Variants in MEGF11 observed in about 807,000 individuals in gnomAD.
MEGF11 encodes the protein multiple epidermal growth factor-like domains protein 11.
In MEGF11, 126 loss-of-function variants were observed where a neutral mutation model predicts 146.6. The ratio of observed to expected loss-of-function variants is 0.86; its 90% CI spans 0.74 to 1.00. The LOEUF is 1.00. Among genes scored for constraint, MEGF11 ranks in the 50% least tolerant of loss-of-function variants. The probability of loss-of-function intolerance (pLI) is 0.00; values close to 1 mark genes in which losing one functional copy is unlikely to be tolerated. For missense variants in MEGF11, 1,509 were observed against 1,521.2 expected, an observed-to-expected ratio of 0.99 and a Z score of 0.13; for synonymous variants, 532 against 583.4, an observed-to-expected ratio of 0.91 and a Z score of 1.27.
chr15:66,100,852 A>ATGGGTGGG lies in MEGF11; in HGVS notation c.302-6366_302-6359dup, dbSNP rs67230634. 2.5e-4 allele frequency among the ~76,000 whole-genome samples: 19 copies of ATGGGTGGG among 77,126 alleles called. No homozygotes were observed. The South Asian group carries it at 8.4e-3, about 34-fold the overall frequency. The allele number at this position is 77,126 out of a possible 152,430, so 50.6% of individuals were successfully genotyped here. On this transcript the variant is annotated intron_variant, in intron 4 of 25. Coordinates refer to ENST00000395614, the MANE Select transcript of MEGF11 (RefSeq NM_001385028.1). ...CCTGAATGAGTGAGTGAGCCACTGG[A>ATGGGTGGG]TGGGTGGGTGGGTGGGTGGGTGAGT...
At chr15:66,224,007 G>A (rs908692679) in intron 1 of MEGF11, among the ~76,000 whole-genome samples, 51 of 152,060 alleles carry the variant, frequency 3.4e-4, no homozygotes, top group Admixed American at 4.6e-4. Flanking sequence ...TACAGGTGAC[G>A]GGCCTCTTTT....
At chr15:66,219,134 A>G (rs2091667590) in intron 1 of MEGF11, among the ~76,000 whole-genome samples, 2 of 152,216 alleles carry the variant, frequency 1.3e-5, no homozygotes, top group Non-Finnish European at 2.9e-5. Flanking sequence ...AGAAGAAAAC[A>G]TAGAAGAATA....
chr15:66,004,572 T>C (rs1341002503), intron 5 of MEGF11, among the ~76,000 whole-genome samples: 1 of 152,184 alleles, frequency 6.6e-6, no homozygotes, highest in Non-Finnish European at 1.5e-5. Flanking sequence ...TTGGTGAACC[T>C]CTTCTCAACA....
At chr15:66,178,849 G>T (rs1183669167) in intron 1 of MEGF11, among the ~76,000 whole-genome samples, 1 of 152,198 alleles carries the variant, frequency 6.6e-6, no homozygotes, top group East Asian at 1.9e-4. Flanking sequence ...CGGAAAAAAG[G>T]TCATTAACAT....
intron 8 of MEGF11, among the ~76,000 whole-genome samples, chr15:65,966,415 G>C (rs191501838): frequency 6.1e-4 from 93 of 152,306 alleles, no homozygotes; most frequent in African/African-American, 2.2e-3. Context: ...ACGATCAGTG[G>C]CACCTTAGGT....
In MEGF11 at chr15:66,128,327, T is replaced by C; in HGVS notation, c.77A>G (p.Asn26Ser). 6.6e-7 allele frequency: 1 copy of C among 1,522,530 alleles called. No homozygotes were observed. The highest frequency in any genetic ancestry group is 8.8e-7 in the Non-Finnish European group (1 of 1,133,644). 94.3% of individuals were successfully genotyped at this position (1,522,530 alleles called of 1,614,324 possible). A position where few individuals can be genotyped will look rare whatever the true frequency, so the allele number is the denominator to read the frequency against. Residue 26 changes from asparagine (N) to serine (S), a missense_variant, in exon 2 of 26, where the codon AAC becomes AGC. Transcript: ENST00000395614. Reference protein sequence around the residue: ...ATLALNPEDPNVCSHWESYAV... With the variant: ...ATLALNPEDPSVCSHWESYAV... ...TTACCTCTCCCAGTGGCTGCACACG[T>C]TGGGGTCCTCGGGGTTCAGGGCAAG...
intron 1 of MEGF11, among the ~76,000 whole-genome samples, chr15:66,229,788 C>T (rs1286908644): frequency 1.3e-5 from 2 of 152,134 alleles, no homozygotes; most frequent in Admixed American, 6.5e-5. Flanking sequence ...GGCCCCAGGA[C>T]AAGGACACAG....
chr15:66,074,342 G>A (rs770439349), intron 5 of MEGF11, among the ~76,000 whole-genome samples: 6 of 152,180 alleles, frequency 3.9e-5, no homozygotes, highest in Admixed American at 2.6e-4. Flanking sequence ...AAGTAGACAG[G>A]TATAGCGCTA....
intron 17 of MEGF11, chr15:65,916,609 G>A (rs1040768965): frequency 1.2e-6 from 1 of 846,648 alleles, no homozygotes; most frequent in Non-Finnish European, 1.9e-6. Flanking sequence ...TTGCAGCCCT[G>A]ACCTTCCAGG....
chr15:66,091,760 C>T lies in MEGF11; in HGVS notation c.394+2642G>A, dbSNP rs1266236094. 3.3e-5 allele frequency among the ~76,000 whole-genome samples: 5 copies of T among 152,184 alleles called. No homozygotes were observed. The South Asian group carries it at 6.2e-4, about 19-fold the overall frequency. On this transcript the variant is annotated intron_variant, in intron 5 of 25. Coordinates refer to ENST00000395614, the MANE Select transcript of MEGF11 (RefSeq NM_001385028.1). The stretch of plus-strand genomic sequence containing the variant: ...TTTTCCATACTGGTCACACCAAGCT[C>T]GCAGTTGTGTGGCCAGATCTAGGAG...
intron 13 of MEGF11, 67 bp from the exon 14 acceptor site, chr15:65,923,036 A>AG (rs983864834): frequency 1.3e-6 from 2 of 1,547,172 alleles, no homozygotes; most frequent in African/African-American, 1.4e-5. Flanking sequence ...AATGGAGGGA[A>AG]GGGGGACAGT....
chr15:66,058,714 C>T (rs898451814), intron 5 of MEGF11, among the ~76,000 whole-genome samples: 1 of 152,144 alleles, frequency 6.6e-6, no homozygotes, highest in African/African-American at 2.4e-5. Flanking sequence ...TGCTATCCTC[C>T]CTCTTCGGGG....
chr15:66,008,401 A>ACG (rs10531573), intron 5 of MEGF11, among the ~76,000 whole-genome samples: 4 of 125,252 alleles, frequency 3.2e-5, no homozygotes, highest in African/African-American at 1.3e-4. Context: ...ACACATGCAC[A>ACG]CGCGCGCGCG....
intron 1 of MEGF11, among the ~76,000 whole-genome samples, chr15:66,147,294 C>T (rs1333494492): frequency 1.3e-5 from 2 of 152,210 alleles, no homozygotes; most frequent in Non-Finnish European, 2.9e-5. Context: ...AGCCCAGGGC[C>T]CTTGCCAGCC....
chr15:65,956,436 C>T (rs1026310913), intron 10 of MEGF11, among the ~76,000 whole-genome samples: 4 of 152,170 alleles, frequency 2.6e-5, no homozygotes, highest in African/African-American at 4.8e-5. Flanking sequence ...AGCAACCTTG[C>T]GAGGCAGGTG....
At chr15:66,125,771 G>C (rs1241468655) in intron 2 of MEGF11, among the ~76,000 whole-genome samples, 1 of 152,180 alleles carries the variant, frequency 6.6e-6, no homozygotes, top group Non-Finnish European at 1.5e-5. Flanking sequence ...AAGGTGGGGA[G>C]AGAGGGAGCA....
intron 1 of MEGF11, among the ~76,000 whole-genome samples, chr15:66,156,559 C>A (rs4776284): frequency 0.11 from 16,444 of 151,994 alleles, 1,260 homozygotes; most frequent in East Asian, 0.37. Context: ...CAGAGCCCGG[C>A]CCCCGAGAGG....
chr15:66,066,148 C>G (rs921017869), intron 5 of MEGF11, among the ~76,000 whole-genome samples: 1 of 152,168 alleles, frequency 6.6e-6, no homozygotes, highest in African/African-American at 2.4e-5. Context: ...GAAGAGGAAG[C>G]CTGACACGTG....
intron 4 of MEGF11, among the ~76,000 whole-genome samples, chr15:66,109,298 C>T (rs2087261305): frequency 6.6e-6 from 1 of 152,142 alleles, no homozygotes; most frequent in South Asian, 2.1e-4. Flanking sequence ...CTCACGGCAT[C>T]GCTTGCTACT....
Sources: gnomAD v4.1 joint callset for allele counts (sites outside exome capture counted in the v4.1 genomes callset) on GRCh38, gnomAD v4.1.1 for gene constraint, MANE v1.5 for transcripts, NCBI Gene and HGNC (gene_info 2026-07-23, HGNC 2026-07-21) for gene names.